The following BATF3 variants were observed in gnomAD, a reference collection of about 807,000 sequenced individuals.
The protein encoded by BATF3 is basic leucine zipper transcriptional factor ATF-like 3.
Under a neutral mutation model 16.1 loss-of-function variants are expected in BATF3, and 8 were observed. The ratio of observed to expected loss-of-function variants is 0.50; its 90% confidence interval spans 0.29 to 0.90. The LOEUF is 0.90. Among genes scored for constraint, BATF3 ranks in the 40% least tolerant of loss-of-function variants. The pLI, the probability that BATF3 is intolerant of heterozygous loss-of-function variation, is 0.08. For synonymous variants in BATF3, 74 were observed against 72.7 expected (o/e 1.02, Z -0.09); for missense variants, 139 against 167.0 (o/e 0.83, Z 0.92).
At chr1:212,688,901 G>A (rs901176232) in intron 2 of BATF3, among the ~76,000 whole-genome samples, 1 of 152,128 alleles carries the variant, frequency 6.6e-6, no homozygotes, top group South Asian at 2.1e-4. Flanking sequence ...AATTTTAAGG[G>A]AGTATCACTA....
chr1:212,688,172 A>G (rs897276896), intron 2 of BATF3, among the ~76,000 whole-genome samples: 1 of 152,158 alleles, frequency 6.6e-6, no homozygotes, highest in Admixed American at 6.5e-5. Context: ...TAGTAGATCC[A>G]ATGCTTTTTT....
rs1553247699 is a variant in BATF3, at chr1:212,699,257, C to CCCG, written c.90+415_90+416insCGG. Among the ~76,000 whole-genome samples the CCCG allele has an allele frequency of 2.6e-5, 2 of 76,094 alleles. No homozygotes were observed. The highest frequency in any genetic ancestry group is 3.4e-4 in the East Asian group (1 of 2,960). 49.9% of individuals were successfully genotyped at this position (76,094 alleles called of 152,430 possible). ...GGCGTTCTCCATTCCCGCGGCAGCA[C>CCCG]CCCCCCCACCCGGGGGAATCCTGGA... On this transcript the variant is annotated intron_variant, in intron 1 of 2. Coordinates refer to ENST00000243440, the MANE Select transcript of BATF3 (RefSeq NM_018664.3). This position sits in a 1 kb window ranked among gnomAD's most constrained non-coding sequence, Gnocchi z 4.4.
At chr1:212,696,354 A>C (rs956748477) in intron 2 of BATF3, among the ~76,000 whole-genome samples, 29 of 152,068 alleles carry the variant, frequency 1.9e-4, no homozygotes, top group Non-Finnish European at 3.7e-4. Flanking sequence ...GGATGATGAG[A>C]CCAGAAAGAG....
At chr1:212,688,421 C>T (rs964364316) in intron 2 of BATF3, among the ~76,000 whole-genome samples, 1 of 152,252 alleles carries the variant, frequency 6.6e-6, no homozygotes, top group Non-Finnish European at 1.5e-5. Flanking sequence ...TCTCTCTGAG[C>T]CTGCAGAGAA....
chr1:212,693,337 C>T (rs886836415), intron 2 of BATF3, among the ~76,000 whole-genome samples: 7 of 152,172 alleles, frequency 4.6e-5, no homozygotes, highest in South Asian at 4.1e-4. Flanking sequence ...CTTCCTCACC[C>T]GCTTGTGACC....
intron 2 of BATF3, among the ~76,000 whole-genome samples, chr1:212,687,998 AG>A (rs1465572905): frequency 0.14 from 11,724 of 82,740 alleles, 707 homozygotes; most frequent in African/African-American, 0.19. Flanking sequence ...AAAGAAAGAA[AG>A]GAAGGAAGGA....
intron 2 of BATF3, 109 bp from the exon 3 acceptor site, chr1:212,687,088 T>C (rs1656866955): frequency 4.1e-6 from 3 of 728,452 alleles, no homozygotes; most frequent in South Asian, 1.5e-5. Context: ...TCATTACGCA[T>C]GTCCCCTCCA....
rs985691504 is a variant in BATF3 at position 212,686,661 on chromosome 1, G to C, written c.*130C>G. On this transcript the variant is annotated 3_prime_UTR_variant, in exon 3 of 3. Transcript: ENST00000243440. ...GCCCAGTCTGCAGGGAACACAGCTGGCTGGTCCTGGAGCTCCCAGGAGGAG... is the reference window on the plus strand; with the variant it reads ...GCCCAGTCTGCAGGGAACACAGCTGCCTGGTCCTGGAGCTCCCAGGAGGAG... 7 of 1,399,758 alleles carry C rather than the reference G, an allele frequency of 5.0e-6. No homozygotes were observed. Among genetic ancestry groups the C allele is most frequent in the African/African-American group, 2.9e-5 (2 of 69,180 alleles). 86.7% of individuals were successfully genotyped at this position (1,399,758 alleles called of 1,614,324 possible). A position where few individuals can be genotyped will look rare whatever the true frequency, so the allele number is the denominator to read the frequency against.
At chr1:212,698,629 T>C (rs1351051066) in intron 1 of BATF3, 1 of 152,230 alleles carries the variant, frequency 6.6e-6, no homozygotes, top group Non-Finnish European at 1.5e-5. Flanking sequence ...TTCTCATGCC[T>C]CTTTGCTCTC....
chr1:212,687,677 G>A (rs1656882016), intron 2 of BATF3, among the ~76,000 whole-genome samples: 1 of 152,080 alleles, frequency 6.6e-6, no homozygotes, highest in African/African-American at 2.4e-5. Context: ...TGTAATCTCA[G>A]CACTTTGGGA....
intron 2 of BATF3, 53 bp from the exon 3 acceptor site, chr1:212,687,032 C>T (rs1028500927): frequency 1.4e-5 from 17 of 1,198,368 alleles, no homozygotes; most frequent in African/African-American, 7.5e-5. Context: ...TCCCTTCCTC[C>T]GTCCTCCTGT....
At chr1:212,688,695 C>A (rs201937987) in intron 2 of BATF3, among the ~76,000 whole-genome samples, 4 of 152,190 alleles carry the variant, frequency 2.6e-5, no homozygotes, top group Non-Finnish European at 4.4e-5. Flanking sequence ...ATAAGTTCTA[C>A]AAAAAATAGC....
chr1:212,692,147 G>A (rs1278933197), intron 2 of BATF3, among the ~76,000 whole-genome samples: 7 of 152,154 alleles, frequency 4.6e-5, no homozygotes, highest in Non-Finnish European at 1.0e-4. Context: ...TCGCCTTGAC[G>A]GACACTCCTA....
rs911556426 is a variant in BATF3 at position 212,689,852 on chromosome 1, GAC to G, written c.196-2875_196-2874del. On this transcript the variant is annotated intron_variant, in intron 2 of 2. Transcript: ENST00000243440. This position sits in a 1 kb window ranked among gnomAD's most constrained non-coding sequence, Gnocchi z 4.6. ...ACACACACACTCATACACAACCACA[GAC>G]ACACACACAGATACACACAGTCACA... 6.9e-5 allele frequency among the ~76,000 whole-genome samples: 10 copies of G among 145,634 alleles called. No individual in the cohort carries two copies. The highest frequency in any genetic ancestry group is 1.8e-4 in the African/African-American group (7 of 38,834).
intron 2 of BATF3, 33 bp downstream of exon 2, chr1:212,696,928 C>T (rs767814988): frequency 6.4e-7 from 1 of 1,550,856 alleles, no homozygotes; most frequent in South Asian, 1.1e-5. Flanking sequence ...GGCTGTGTGG[C>T]TCTAAGGTGG....
chr1:212,691,877 A>T (rs1194810632), intron 2 of BATF3, among the ~76,000 whole-genome samples: 5 of 152,214 alleles, frequency 3.3e-5, no homozygotes, highest in Non-Finnish European at 1.5e-5. Context: ...GTCAGTGTGG[A>T]CTTTGGCACA....
At position 212,686,701 on chromosome 1, in the gene BATF3, G is replaced by A. The variant is rs996546177; in HGVS notation, c.*90C>T. 34 of 1,472,584 alleles carry A rather than the reference G, an allele frequency of 2.3e-5. No homozygotes were observed. Among genetic ancestry groups the A allele is most frequent in the Non-Finnish European group, 3.1e-5 (34 of 1,110,528 alleles). The allele number at this position is 1,472,584 out of a possible 1,614,324, so 91.2% of individuals were successfully genotyped here. On this transcript the variant is annotated 3_prime_UTR_variant, in exon 3 of 3. Coordinates refer to ENST00000243440, the MANE Select transcript of BATF3 (RefSeq NM_018664.3). ...CCCAGGAGGAGGCCTGGCCACAGGT[G>A]CCCCCTGTATACAATTGTGAAGGAA...
chr1:212,692,584 CACG>C (rs1229385443), intron 2 of BATF3, among the ~76,000 whole-genome samples: 3 of 152,148 alleles, frequency 2.0e-5, no homozygotes, highest in African/African-American at 7.2e-5. Context: ...ACTACAGGCG[CACG>C]CCACCACACC....
At chr1:212,692,637 C>T (rs1298056758) in intron 2 of BATF3, among the ~76,000 whole-genome samples, 1 of 152,130 alleles carries the variant, frequency 6.6e-6, no homozygotes, top group Non-Finnish European at 1.5e-5. Flanking sequence ...GGGGTTTCGC[C>T]ATGTTGGCCA....
Sources: gnomAD v4.1 joint callset for allele counts (sites outside exome capture counted in the v4.1 genomes callset) on GRCh38, gnomAD v4.1.1 for gene constraint, Gnocchi (gnomAD v3.1) non-coding constraint, MANE v1.5 for transcripts, NCBI Gene and HGNC (gene_info 2026-07-23, HGNC 2026-07-21) for gene names.